Variants in ZFAT observed in about 807,000 individuals in gnomAD.
The protein encoded by ZFAT is zinc finger and AT-hook domain containing.
In ZFAT, 64 loss-of-function variants were observed where a neutral mutation model predicts 117.7. That is an observed-to-expected ratio of 0.54 (90% CI 0.44 to 0.67). The LOEUF is 0.67. Ranked by LOEUF, ZFAT falls within the 30% of genes least tolerant of loss-of-function variation. The pLI is 0.00. For synonymous variants in ZFAT, 679 were observed against 615.0 expected, an observed-to-expected ratio of 1.10 and a Z score of -1.54; for missense variants, 1,433 against 1,584.5, an observed-to-expected ratio of 0.90 and a Z score of 1.62.
chr8:134,697,985 G>A (rs1833914433), intron 1 of ZFAT, among the ~76,000 whole-genome samples: 1 of 151,694 alleles, frequency 6.6e-6, no homozygotes, highest in Non-Finnish European at 1.5e-5. Context: ...CAAAAGCCCT[G>A]GGATAAGGGA....
the ZFAT span, among the ~76,000 whole-genome samples, chr8:134,738,179 G>A: frequency 2.6e-5 from 4 of 152,032 alleles, no homozygotes; most frequent in African/African-American, 9.7e-5. Context: ...AAATCATTTT[G>A]TGTGCATCAA....
the ZFAT span, among the ~76,000 whole-genome samples, chr8:134,728,471 T>G: frequency 1.2e-4 from 18 of 152,182 alleles, no homozygotes; most frequent in Admixed American, 4.6e-4. Context: ...AATTCAGCAG[T>G]AGGGTTTAGC....
the ZFAT span, among the ~76,000 whole-genome samples, chr8:134,788,908 T>C: frequency 4.1e-5 from 6 of 147,000 alleles, no homozygotes; most frequent in African/African-American, 1.6e-4. Context: ...GTTTGCTGTG[T>C]TTTTTTTTCC....
At chr8:134,488,241 T>G (rs1008148211) in intron 15 of ZFAT, among the ~76,000 whole-genome samples, 1 of 152,104 alleles carries the variant, frequency 6.6e-6, no homozygotes, top group African/African-American at 2.4e-5. Context: ...GCTAATGAAG[T>G]TGGCAGATAG....
At chr8:134,781,843 A>G in the ZFAT span, among the ~76,000 whole-genome samples, 60,889 of 152,064 alleles carry the variant, frequency 0.4, 12,729 homozygotes, top group East Asian at 0.6. Flanking sequence ...AAGTGTAAAT[A>G]TATTTTCTCT....
chr8:134,602,335 C>T lies in ZFAT; in HGVS notation c.1384G>A (p.Val462Ile), dbSNP rs369173147. Reference sequence around the variant, plus strand: ...GAGCTGACGAACTTCTTGCGGCAGACGGCACAGACGTACACGAAGGGGTGC... The same window carrying T: ...GAGCTGACGAACTTCTTGCGGCAGATGGCACAGACGTACACGAAGGGGTGC... Reference protein sequence around the residue: ...RKHPFVYVCAVCRKKFVSSIR... With the variant: ...RKHPFVYVCAICRKKFVSSIR... The change falls in exon 6 of 16, where the codon GTC (valine) becomes ATC (isoleucine). Residue 462 changes from valine (V) to isoleucine (I), a missense_variant. Val to Ile is a conservative substitution (Grantham distance 29). Around this residue, in one of 5 missense-constraint regions of ZFAT, gnomAD observed 73 missense variants for 122.0 expected, o/e 0.60. Coordinates refer to ENST00000377838, the MANE Select transcript of ZFAT (RefSeq NM_020863.4). 2.9e-5 allele frequency: 46 copies of T among 1,613,692 alleles called. No homozygotes were observed. Among genetic ancestry groups the T allele is most frequent in the East Asian group, 1.6e-4 (7 of 44,894 alleles).
At chr8:134,603,652 C>G (rs979522331) in intron 5 of ZFAT, among the ~76,000 whole-genome samples, 1 of 152,218 alleles carries the variant, frequency 6.6e-6, no homozygotes, top group African/African-American at 2.4e-5. Flanking sequence ...GACTTCAGAG[C>G]AGGACCTAAG....
chr8:134,784,324 C>T, the ZFAT span: 1 of 152,220 alleles, frequency 6.6e-6, no homozygotes, highest in East Asian at 1.9e-4. Flanking sequence ...TAAGAAACAT[C>T]CTTGTACATT....
chr8:134,785,917 T>C, the ZFAT span: 1 of 152,186 alleles, frequency 6.6e-6, no homozygotes, highest in Non-Finnish European at 1.5e-5. Flanking sequence ...ATGCACTGAT[T>C]TTTCCCATTC....
At chr8:134,496,716 G>T (rs576911632) in intron 15 of ZFAT, among the ~76,000 whole-genome samples, 10 of 152,330 alleles carry the variant, frequency 6.6e-5, no homozygotes, top group African/African-American at 2.2e-4. Flanking sequence ...TTGCTGGGGG[G>T]AAAAGCCATG....
chr8:134,690,433 T>C (rs1833534999), intron 1 of ZFAT, among the ~76,000 whole-genome samples: 1 of 152,130 alleles, frequency 6.6e-6, no homozygotes, highest in African/African-American at 2.4e-5. Flanking sequence ...GGAGATAAAA[T>C]AACAGGCTGG....
intron 3 of ZFAT, among the ~76,000 whole-genome samples, chr8:134,617,177 C>T (rs190652224): frequency 2.0e-5 from 3 of 152,322 alleles, no homozygotes; most frequent in Admixed American, 2.0e-4. Flanking sequence ...GAGCTTCCCA[C>T]CTCTGCTCTC....
At chr8:134,535,893 T>A (rs1327349804) in intron 11 of ZFAT, among the ~76,000 whole-genome samples, 1 of 151,786 alleles carries the variant, frequency 6.6e-6, no homozygotes, top group African/African-American at 2.4e-5. Flanking sequence ...TACATACAAA[T>A]CAAAAAGAAA....
intron 1 of ZFAT, among the ~76,000 whole-genome samples, chr8:134,707,109 G>A (rs1834171736): frequency 6.6e-6 from 1 of 151,486 alleles, no homozygotes; most frequent in South Asian, 2.1e-4. Flanking sequence ...GGTCACACCT[G>A]TGTCACTGTA....
chr8:134,776,879 C>G, the ZFAT span, among the ~76,000 whole-genome samples: 2 of 152,170 alleles, frequency 1.3e-5, no homozygotes, highest in Middle Eastern at 3.2e-3. Context: ...TATGGAGAGG[C>G]TTTTGTGTAC....
the ZFAT span, among the ~76,000 whole-genome samples, chr8:134,729,558 C>T: frequency 6.6e-6 from 1 of 152,182 alleles, no homozygotes; most frequent in Admixed American, 6.5e-5. Context: ...TGGTCTCGAT[C>T]TCCTGACCTT....
chr8:134,669,532 C>T (rs1832442379), intron 1 of ZFAT, among the ~76,000 whole-genome samples: 1 of 152,144 alleles, frequency 6.6e-6, no homozygotes, highest in African/African-American at 2.4e-5. Context: ...AAATAAAATC[C>T]TTTACAGACA....
chr8:134,782,580 G>A, the ZFAT span, among the ~76,000 whole-genome samples: 2 of 152,130 alleles, frequency 1.3e-5, no homozygotes, highest in African/African-American at 2.4e-5. Flanking sequence ...CCCGGTGGCA[G>A]ATAACGGAAT....
the ZFAT span, among the ~76,000 whole-genome samples, chr8:134,782,253 C>T: frequency 0.57 from 86,267 of 152,118 alleles, 24,653 homozygotes; most frequent in Non-Finnish European, 0.58. Context: ...TTCTTCTCAA[C>T]GTAGAGTCAC....
Sources: gnomAD v4.1 joint callset for allele counts (sites outside exome capture counted in the v4.1 genomes callset) on GRCh38, gnomAD v4.1.1 for gene constraint, gnomAD v4.1.1 regional missense constraint, MANE v1.5 for transcripts, NCBI Gene and HGNC (gene_info 2026-07-23, HGNC 2026-07-21) for gene names.